Variants in SCN2A observed in about 807,000 individuals in gnomAD.
SCN2A encodes sodium channel protein type 2 subunit alpha.
In SCN2A, 20 loss-of-function variants were observed where a neutral mutation model predicts 188.7. That is an observed-to-expected ratio of 0.11 (90% CI 0.07 to 0.15). The LOEUF is 0.15. Ranked by LOEUF, SCN2A falls within the 10% of genes least tolerant of loss-of-function variation. The probability of loss-of-function intolerance (pLI) is 1.00; values close to 1 mark genes in which losing one functional copy is unlikely to be tolerated. For synonymous variants in SCN2A, 804 were observed against 833.1 expected (o/e 0.97, Z 0.60); for missense variants, 1,278 against 2,445.0 (o/e 0.52, Z 10.07).
Position 165,293,693 on chromosome 2 carries a change from G to A in SCN2A, c.-51-2080G>A, listed in dbSNP as rs566474224. 2.5e-4 allele frequency: 78 copies of A among 309,140 alleles called. 1 individual carries two copies. The South Asian group carries it at 3.8e-3, about 15-fold the overall frequency. The allele number at this position is 309,140 out of a possible 1,614,324, so 19.1% of individuals were successfully genotyped here. On this transcript the variant is annotated intron_variant, in intron 1 of 26. Coordinates refer to ENST00000375437, the MANE Select transcript of SCN2A (RefSeq NM_001040142.2). ...TTTGAATTCTTTATATGGGTTGAAT[G>A]ACTTTCTGACATAGCAAATAAAAAG...
chr2:165,302,624 G>C (rs1304949033), intron 3 of SCN2A, among the ~76,000 whole-genome samples: 1 of 152,096 alleles, frequency 6.6e-6, no homozygotes, highest in African/African-American at 2.4e-5. Context: ...ACTGTATACT[G>C]TAAGAAAAGT....
At chr2:165,254,455 T>C (rs924314806) in intron 1 of SCN2A, among the ~76,000 whole-genome samples, 7 of 151,774 alleles carry the variant, frequency 4.6e-5, no homozygotes, top group Admixed American at 2.0e-4. Context: ...AAAATATTTT[T>C]GAGTAATTTT....
chr2:165,331,384 T>A lies in SCN2A; in HGVS notation c.2204T>A (p.Met735Lys), dbSNP rs924845392. 1.2e-6 allele frequency: 2 copies of A among 1,613,714 alleles called. No homozygotes were observed. The highest frequency in any genetic ancestry group is 2.7e-5 in the African/African-American group (2 of 74,914). ...CCATGCTGGTATAAATTTGCTAATA[T>A]GTGTTTGATTTGGGACTGTTGTAAA... ...CPPCWYKFAN[M>K]CLIWDCCKPW... Residue 735 changes from methionine (M) to lysine (K), a missense_variant, in exon 14 of 27, where the codon ATG (methionine) becomes AAG (lysine). Transcript: ENST00000375437.
chr2:165,265,792 T>C, intron 1 of SCN2A, among the ~76,000 whole-genome samples: 1 of 151,480 alleles, frequency 6.6e-6, no homozygotes, highest in South Asian at 2.1e-4. Flanking sequence ...TTTTTTATTA[T>C]ACTTTTTTTC....
intron 1 of SCN2A, among the ~76,000 whole-genome samples, chr2:165,261,299 T>A (rs968864025): frequency 1.3e-5 from 2 of 152,230 alleles, no homozygotes; most frequent in Admixed American, 1.3e-4. Context: ...GACTAGATTA[T>A]CTCTAAAGTG....
At chr2:165,271,608 TA>T (rs1468723164) in intron 1 of SCN2A, 1 of 152,152 alleles carries the variant, frequency 6.6e-6, no homozygotes, top group African/African-American at 2.4e-5. Context: ...AAAATACAGA[TA>T]TTTTTAAGTG....
At position 165,303,270 on chromosome 2, in the gene SCN2A, G is replaced by GTTT. The variant is rs71028477; in HGVS notation, c.387-4557_387-4555dup. 4.6e-3 allele frequency among the ~76,000 whole-genome samples: 417 copies of GTTT among 91,272 alleles called. 23 individuals are homozygous for GTTT. The highest frequency in any genetic ancestry group is 0.015 in the African/African-American group (366 of 24,670). 59.9% of individuals were successfully genotyped at this position (91,272 alleles called of 152,430 possible). A position where few individuals can be genotyped will look rare whatever the true frequency, so the allele number is the denominator to read the frequency against. ...TTGTATTTGAGTTTTTGTTATTTGA[G>GTTT]TTTTTTTTTTTTTTTTTTTTTTTGA... On this transcript the variant is annotated intron_variant, in intron 3 of 26. Coordinates refer to ENST00000375437, the MANE Select transcript of SCN2A (RefSeq NM_001040142.2).
At chr2:165,386,636 G>T (rs1701889305) in intron 25 of SCN2A, 110 bp from the exon 26 acceptor site, 2 of 1,088,120 alleles carry the variant, frequency 1.8e-6, no homozygotes, top group Non-Finnish European at 2.6e-6. Flanking sequence ...GAGGATTAAA[G>T]ATGTGTTTTT....
At chr2:165,366,333 G>A (rs1416613812) in intron 18 of SCN2A, among the ~76,000 whole-genome samples, 1 of 152,134 alleles carries the variant, frequency 6.6e-6, no homozygotes, top group Admixed American at 6.5e-5. Context: ...TACTCAATAA[G>A]TATTTGTTGA....
In SCN2A at chr2:165,374,547, C is replaced by T. The variant is rs1436492483; in HGVS notation, c.3973-138C>T. 3 of 826,324 alleles carry T rather than the reference C, an allele frequency of 3.6e-6. No homozygotes were observed. In the African/African-American group the frequency reaches 5.2e-5, roughly 14 times the overall value. 51.2% of individuals were successfully genotyped at this position (826,324 alleles called of 1,614,324 possible). On this transcript the variant is annotated intron_variant, in intron 21 of 26. Coordinates refer to ENST00000375437, the MANE Select transcript of SCN2A (RefSeq NM_001040142.2). ...TTTTAAAATTCTTAGTTGGAGCTAC[C>T]AGAGTCTAGTTTCTACCCAATATTC... is the stretch of plus-strand genomic sequence containing the variant.
intron 23 of SCN2A, 67 bp downstream of exon 23, chr2:165,377,717 G>A: frequency 7.9e-7 from 1 of 1,259,358 alleles, no homozygotes; most frequent in Non-Finnish European, 1.1e-6. Context: ...TTGTAATTTA[G>A]TGATATTGTC....
At chr2:165,287,356 A>G (rs914117095) in intron 1 of SCN2A, among the ~76,000 whole-genome samples, 4 of 152,162 alleles carry the variant, frequency 2.6e-5, no homozygotes, top group East Asian at 1.9e-4. Flanking sequence ...AGTTGTGTGC[A>G]TGCTCACTTG....
intron 24 of SCN2A, 56 bp from the exon 25 acceptor site, chr2:165,381,037 G>A (rs1701576103): frequency 8.1e-7 from 1 of 1,231,412 alleles, no homozygotes. Context: ...TACTAAGGTG[G>A]ATTTTATAGC....
At position 165,307,945 on chromosome 2, in the gene SCN2A, T is replaced by C; in HGVS notation, c.476+8T>C. On this transcript the variant is annotated splice_region_variant and intron_variant, in intron 4 of 26. Coordinates refer to ENST00000375437, the MANE Select transcript of SCN2A (RefSeq NM_001040142.2). The stretch of plus-strand genomic sequence containing the variant: ...CTGGACAAAGAATGTGGAGTAAGTA[T>C]AAATATTTTTCAATATTGACCTCCC... 6.4e-7 allele frequency: 1 copy of C among 1,571,600 alleles called. No homozygotes were observed. The highest frequency in any genetic ancestry group is 8.8e-7 in the Non-Finnish European group (1 of 1,141,654).
At chr2:165,300,164 C>T (rs922433424) in intron 3 of SCN2A, among the ~76,000 whole-genome samples, 1 of 152,104 alleles carries the variant, frequency 6.6e-6, no homozygotes, top group African/African-American at 2.4e-5. Context: ...AGTTCCCTAC[C>T]AAGCTTTTAA....
chr2:165,348,988 G>T (rs1699749447), intron 16 of SCN2A, among the ~76,000 whole-genome samples: 2 of 152,154 alleles, frequency 1.3e-5, no homozygotes, highest in African/African-American at 4.8e-5. Context: ...TTCATTAGAA[G>T]CTAGTCACTA....
intron 25 of SCN2A, among the ~76,000 whole-genome samples, chr2:165,384,702 A>C (rs73969396): frequency 0.016 from 2,452 of 152,278 alleles, 63 homozygotes; most frequent in African/African-American, 0.056. Context: ...AACCATTTGC[A>C]ATACAATGCC....
At chr2:165,353,923 T>A (rs1458901272) in intron 16 of SCN2A, among the ~76,000 whole-genome samples, 1 of 150,056 alleles carries the variant, frequency 6.7e-6, no homozygotes, top group African/African-American at 2.4e-5. Context: ...ATTTATCTTT[T>A]GGAACTGAGC....
chr2:165,250,245 A>G (rs1291259107), intron 1 of SCN2A, among the ~76,000 whole-genome samples: 3 of 152,062 alleles, frequency 2.0e-5, no homozygotes, highest in Non-Finnish European at 2.9e-5. Context: ...TAAAACTTCA[A>G]TCAAGGTACT....
Sources: allele counts gnomAD v4.1 joint callset (sites outside exome capture counted in the v4.1 genomes callset), GRCh38; gene constraint gnomAD v4.1.1; transcripts MANE v1.5; gene names NCBI Gene and HGNC (gene_info 2026-07-23, HGNC 2026-07-21).